Variants in KYNU observed in about 807,000 individuals in gnomAD.
The protein encoded by KYNU is kynureninase.
KYNU carries 54 observed loss-of-function variants against 59.2 expected under a neutral mutation model. The ratio of observed to expected loss-of-function variants is 0.91; its 90% CI spans 0.73 to 1.14. KYNU has a LOEUF of 1.14. KYNU is among the 50% of genes most tolerant of loss of function. The pLI is 0.00. For missense variants in KYNU, 567 were observed against 554.4 expected, an observed-to-expected ratio of 1.02 and a Z score of -0.23; for synonymous variants, 177 against 192.0, an observed-to-expected ratio of 0.92 and a Z score of 0.65.
chr2:142,953,276 G>A (rs1449763956), intron 4 of KYNU, among the ~76,000 whole-genome samples: 1 of 152,234 alleles, frequency 6.6e-6, no homozygotes, highest in Admixed American at 6.5e-5. Context: ...GAAGGATTAT[G>A]TGGAACAATT....
At chr2:143,003,594 C>T (rs1336570157) in intron 10 of KYNU, among the ~76,000 whole-genome samples, 1 of 151,898 alleles carries the variant, frequency 6.6e-6, no homozygotes, top group South Asian at 2.1e-4. Flanking sequence ...AACAAACAAA[C>T]AAACAAACAA....
chr2:142,952,571 G>T (rs934513284), intron 4 of KYNU, among the ~76,000 whole-genome samples: 2 of 151,810 alleles, frequency 1.3e-5, no homozygotes, highest in Admixed American at 1.3e-4. Context: ...AGAGTAGCTG[G>T]AACTATAGGA....
chr2:143,039,890 C>G lies in KYNU; in HGVS notation c.1042-538C>G, dbSNP rs1222370672. On this transcript the variant is annotated intron_variant, in intron 12 of 13. Coordinates refer to ENST00000264170, the MANE Select transcript of KYNU (RefSeq NM_003937.3). ...GGAGTTCCTTTAGACCTTCAATAAA[C>G]TTGTTTGTAGAGGCCTGGAGAGTTT... Among the ~76,000 whole-genome samples the G allele has an allele frequency of 2.0e-5, 3 of 152,018 alleles. No individual in the cohort carries two copies. In the East Asian group the frequency reaches 5.8e-4, roughly 29 times the overall value.
intron 8 of KYNU, among the ~76,000 whole-genome samples, chr2:142,981,696 A>G (rs947222969): frequency 7.2e-5 from 11 of 152,084 alleles, no homozygotes; most frequent in Admixed American, 2.6e-4. Flanking sequence ...TTCCTCCCTC[A>G]AAATACAGTT....
At chr2:142,888,055 C>T (rs1266825739) in intron 2 of KYNU, among the ~76,000 whole-genome samples, 1 of 152,058 alleles carries the variant, frequency 6.6e-6, no homozygotes. Context: ...ATTAGTTATC[C>T]AATAGAAAGT....
At position 142,899,103 on chromosome 2, in the gene KYNU, C is replaced by T. The variant is rs1178040198; in HGVS notation, c.169+13567C>T. 4.6e-5 allele frequency among the ~76,000 whole-genome samples: 7 copies of T among 152,162 alleles called. No homozygotes were observed. The East Asian group carries it at 5.8e-4, about 13-fold the overall frequency. On this transcript the variant is annotated intron_variant, in intron 2 of 13. Transcript: ENST00000264170. ...GCAGGTCTGTAACAGCGGCAAACAG[C>T]GGTGGTGGACAGTGAGCAAAAGCTC...
chr2:142,972,232 T>G (rs1284703201), intron 8 of KYNU, among the ~76,000 whole-genome samples: 3 of 152,186 alleles, frequency 2.0e-5, no homozygotes, highest in Non-Finnish European at 2.9e-5. Flanking sequence ...GCGTGATTAT[T>G]GTACCTGCAA....
At chr2:142,895,853 T>G (rs1383370345) in intron 2 of KYNU, among the ~76,000 whole-genome samples, 1 of 152,116 alleles carries the variant, frequency 6.6e-6, no homozygotes, top group African/African-American at 2.4e-5. Context: ...CCAGTCTCAT[T>G]TTTTAACTTT....
rs956165749 is a variant in KYNU, at chr2:143,035,430, C to T, written c.1041+2109C>T. Among the ~76,000 whole-genome samples the T allele has an allele frequency of 3.9e-5, 6 of 152,286 alleles. No individual in the cohort carries two copies. The South Asian group carries it at 8.3e-4, about 21-fold the overall frequency. On this transcript the variant is annotated intron_variant, in intron 12 of 13. Transcript: ENST00000264170. ...TAAAAGTGTTTTTTCAAAATTCTTT[C>T]CTACTGTAAATTGCAAAATTTTTGA...
intron 3 of KYNU, among the ~76,000 whole-genome samples, chr2:142,924,612 T>G (rs1378813786): frequency 6.6e-6 from 1 of 152,204 alleles, no homozygotes; most frequent in Admixed American, 6.5e-5. Flanking sequence ...TTTTACATCC[T>G]GCAATTCTAA....
chr2:142,972,425 A>ATG (rs1346076322), intron 8 of KYNU, among the ~76,000 whole-genome samples: 2 of 152,080 alleles, frequency 1.3e-5, no homozygotes, highest in African/African-American at 4.8e-5. Flanking sequence ...GGATTTGACA[A>ATG]TCTTGCCAAT....
intron 2 of KYNU, among the ~76,000 whole-genome samples, chr2:142,890,185 T>G (rs3820754): frequency 0.55 from 83,882 of 151,660 alleles, 24,218 homozygotes; most frequent in African/African-American, 0.7. Context: ...AAAAGGAAGA[T>G]ATAAGAAAGA....
intron 2 of KYNU, among the ~76,000 whole-genome samples, chr2:142,902,700 C>T (rs952185775): frequency 5.9e-5 from 9 of 152,260 alleles, no homozygotes; most frequent in Admixed American, 2.6e-4. Flanking sequence ...AGTTTAAAAG[C>T]GCTTGGGTGG....
At chr2:142,894,879 G>A (rs1221511731) in intron 2 of KYNU, among the ~76,000 whole-genome samples, 1 of 152,166 alleles carries the variant, frequency 6.6e-6, no homozygotes, top group Admixed American at 6.5e-5. Context: ...GGCTGAGGCA[G>A]GAGGATGGCT....
At chr2:142,916,972 C>CA (rs777564943) in intron 2 of KYNU, among the ~76,000 whole-genome samples, 54 of 152,084 alleles carry the variant, frequency 3.6e-4, no homozygotes, top group Middle Eastern at 3.4e-3. Context: ...TGAGAAACTG[C>CA]AAAAAATGTA....
chr2:142,902,350 T>A (rs1284292749), intron 2 of KYNU, among the ~76,000 whole-genome samples: 2 of 152,240 alleles, frequency 1.3e-5, no homozygotes, highest in African/African-American at 4.8e-5. Context: ...TAACACTGAG[T>A]CTTGGGTTAA....
chr2:143,040,479 A>T lies in KYNU; in HGVS notation c.1093A>T (p.Thr365Ser). 1.9e-6 allele frequency: 3 copies of T among 1,613,318 alleles called. No individual in the cohort carries two copies. Among genetic ancestry groups the T allele is most frequent in the Non-Finnish European group, 2.5e-6 (3 of 1,179,526 alleles). The change falls in exon 13 of 14, where the codon ACT (threonine) becomes TCT (serine). Residue 365 changes from threonine to serine, a missense_variant. By Grantham distance (58) the Thr-to-Ser change is moderately conservative. Transcript: ENST00000264170. ...KALRKKSVLL[T>S]GYLEYLIKHN... Reference sequence around the variant, plus strand: ...ATTGCGGAAAAAATCTGTTTTGCTAACTGGCTATCTGGAATACCTGATCAA... The same window carrying T: ...ATTGCGGAAAAAATCTGTTTTGCTATCTGGCTATCTGGAATACCTGATCAA...
At chr2:142,951,821 G>A (rs1258111841) in intron 4 of KYNU, among the ~76,000 whole-genome samples, 1 of 152,208 alleles carries the variant, frequency 6.6e-6, no homozygotes, top group African/African-American at 2.4e-5. Context: ...AATAATGTTT[G>A]TATATGTGTA....
intron 8 of KYNU, among the ~76,000 whole-genome samples, chr2:142,982,561 C>T (rs765535815): frequency 2.0e-5 from 3 of 151,958 alleles, no homozygotes; most frequent in Non-Finnish European, 4.4e-5. Context: ...ACACTTAAAA[C>T]CTCATGACAA....
Sources: gnomAD v4.1 joint callset for allele counts (sites outside exome capture counted in the v4.1 genomes callset) on GRCh38, gnomAD v4.1.1 for gene constraint, MANE v1.5 for transcripts, NCBI Gene and HGNC (gene_info 2026-07-23, HGNC 2026-07-21) for gene names.